Variants in PAICS observed in about 807,000 individuals in gnomAD.
The protein encoded by PAICS is phosphoribosylaminoimidazole carboxylase and phosphoribosylaminoimidazolesuccinocarboxamide synthase, also known as bifunctional phosphoribosylaminoimidazole carboxylase/phosphoribosylaminoimidazole succinocarboxamide synthetase.
In PAICS, 33 loss-of-function variants were observed where a neutral mutation model predicts 53.7. The observed-to-expected ratio is 0.61, with a 90% CI of 0.47 to 0.82. PAICS has a LOEUF of 0.82. Among genes scored for constraint, PAICS ranks in the 40% least tolerant of loss-of-function variants. The pLI is 0.00. For synonymous variants in PAICS, 141 were observed against 167.2 expected (o/e 0.84, Z 1.21); for missense variants, 394 against 494.1 (o/e 0.80, Z 1.92).
At chr4:56,452,628 G>A (rs1718976234) in intron 7 of PAICS, among the ~76,000 whole-genome samples, 1 of 152,180 alleles carries the variant, frequency 6.6e-6, no homozygotes, top group Non-Finnish European at 1.5e-5. Flanking sequence ...CTGGTAAGAA[G>A]CCCCTGGAGC....
the PAICS span, among the ~76,000 whole-genome samples, chr4:56,424,885 A>G: frequency 2.0e-5 from 3 of 152,218 alleles, no homozygotes; most frequent in African/African-American, 7.2e-5. Flanking sequence ...GGACAGTCAC[A>G]GTTAAACCTA....
chr4:56,435,549 G>T (rs189152163), upstream of PAICS: 1,317 of 1,607,148 alleles, frequency 8.2e-4, 2 homozygotes, highest in Non-Finnish European at 1.0e-3. Flanking sequence ...CTGCCAGCTC[G>T]GCCCGTCGAG....
intron 1 of PAICS, among the ~76,000 whole-genome samples, chr4:56,441,282 G>T (rs1295829418): frequency 6.6e-6 from 1 of 152,158 alleles, no homozygotes; most frequent in Non-Finnish European, 1.5e-5. Flanking sequence ...CTTTAAGTGG[G>T]TCTTAATTAA....
At chr4:56,449,034 T>A (rs566883400) in intron 5 of PAICS, among the ~76,000 whole-genome samples, 2 of 152,346 alleles carry the variant, frequency 1.3e-5, no homozygotes, top group African/African-American at 4.8e-5. Flanking sequence ...ATTTCTCATC[T>A]GTTATCTTAA....
chr4:56,459,446 C>G lies in PAICS; in HGVS notation c.1186C>G (p.His396Asp). 6.2e-7 allele frequency: 1 copy of G among 1,608,430 alleles called. No individual in the cohort carries two copies. Among genetic ancestry groups the G allele is most frequent in the Non-Finnish European group, 8.5e-7 (1 of 1,175,760 alleles). Residue 396 changes from histidine to aspartate, a missense_variant, in exon 9 of 9, where the codon CAT becomes GAT. Physicochemically the swap from His to Asp is moderately conservative, Grantham distance 81. Coordinates refer to ENST00000512576, the MANE Select transcript of PAICS (RefSeq NM_001079524.2). ...FAAQIFGLSN[H>D]LVWSKLRASI... Reference sequence around the variant, plus strand: ...TGCTCAGATATTTGGGTTAAGCAACCATTTGGTATGGAGCAAACTGCGAGC... The same window carrying G: ...TGCTCAGATATTTGGGTTAAGCAACGATTTGGTATGGAGCAAACTGCGAGC...
chr4:56,436,482 C>T (rs956143307), intron 1 of PAICS, 154 bp downstream of exon 1: 7 of 729,422 alleles, frequency 9.6e-6, no homozygotes, highest in Non-Finnish European at 1.8e-5. Context: ...CGCTCCCGGG[C>T]CTCCCCGAAC....
intron 1 of PAICS, among the ~76,000 whole-genome samples, chr4:56,438,348 TAAAA>T (rs954374220): frequency 4.5e-5 from 6 of 133,852 alleles, no homozygotes; most frequent in African/African-American, 1.6e-4. Flanking sequence ...AGTAAAATAA[TAAAA>T]AAAACTGGTG....
rs1488140962 is a variant in PAICS at position 56,438,402 on chromosome 4, T to TATATATAA, written c.16+2075_16+2076insTATATAAA. 1.8e-3 allele frequency among the ~76,000 whole-genome samples: 236 copies of TATATATAA among 132,112 alleles called. 4 individuals are homozygous for TATATATAA. The highest frequency in any genetic ancestry group is 0.015 in the Admixed American group (176 of 11,970). The allele number at this position is 132,112 out of a possible 152,430, so 86.7% of individuals were successfully genotyped here. Reference sequence around the variant, plus strand: ...ATATATATATATATATATATATATATAAAAGGTTTTTTTTGTTGTTGTTTT... The same window carrying TATATATAA: ...ATATATATATATATATATATATATATATATATAAAAAAGGTTTTTTTTGTTGTTGTTTT... On this transcript the variant is annotated intron_variant, in intron 1 of 8. Coordinates refer to ENST00000512576, the MANE Select transcript of PAICS (RefSeq NM_001079524.2).
At chr4:56,419,572 T>C in the PAICS span, 2 of 573,946 alleles carry the variant, frequency 3.5e-6, no homozygotes, top group South Asian at 1.5e-4. Flanking sequence ...CCTTGTCTGA[T>C]GTATATAATG....
chr4:56,425,396 A>C, the PAICS span: 1 of 904,130 alleles, frequency 1.1e-6, no homozygotes, highest in Non-Finnish European at 1.3e-6. Flanking sequence ...AGAAGAACTT[A>C]TTACTAAAAC....
At chr4:56,430,629 G>GT in the PAICS span, among the ~76,000 whole-genome samples, 1 of 151,308 alleles carries the variant, frequency 6.6e-6, no homozygotes, top group African/African-American at 2.4e-5. Context: ...ACTGAAAAGT[G>GT]TATTTTTCTA....
chr4:56,421,551 A>G, the PAICS span: 2 of 152,366 alleles, frequency 1.3e-5, no homozygotes, highest in South Asian at 2.1e-4. Flanking sequence ...AAAGACCTCT[A>G]CTAACCACAG....
chr4:56,434,177 T>C (rs770877819), upstream of PAICS, among the ~76,000 whole-genome samples: 1 of 152,246 alleles, frequency 6.6e-6, no homozygotes, highest in Non-Finnish European at 1.5e-5. Flanking sequence ...TTCTTTTTGA[T>C]GCTTCCCACA....
At chr4:56,457,199 GGT>G (rs1719256795) in intron 8 of PAICS, among the ~76,000 whole-genome samples, 1 of 152,158 alleles carries the variant, frequency 6.6e-6, no homozygotes, top group Admixed American at 6.5e-5. Flanking sequence ...GGCAGAGATT[GGT>G]GGATTGCCTG....
chr4:56,448,936 T>G (rs978486189), intron 5 of PAICS, 113 bp downstream of exon 5: 15 of 625,816 alleles, frequency 2.4e-5, no homozygotes, highest in Middle Eastern at 4.2e-4. Flanking sequence ...GAACCTGTTT[T>G]GTGGATTGCT....
intron 1 of PAICS, chr4:56,436,557 G>C (rs1293548396): frequency 1.7e-5 from 12 of 706,450 alleles, no homozygotes; most frequent in Non-Finnish European, 2.9e-5. Context: ...CCAAGGGGTG[G>C]AAAGGTGCCT....
the PAICS span, chr4:56,423,607 C>T: frequency 6.6e-6 from 1 of 151,760 alleles, no homozygotes; most frequent in Non-Finnish European, 1.5e-5. Flanking sequence ...TTAAGTACAA[C>T]CTCAAGATAA....
chr4:56,432,543 A>AAG (rs890031031), upstream of PAICS, among the ~76,000 whole-genome samples: 2 of 149,764 alleles, frequency 1.3e-5, no homozygotes, highest in African/African-American at 4.9e-5. Context: ...AAAAAAAAAA[A>AAG]GGGAGGCCAA....
chr4:56,441,697 A>G lies in PAICS; in HGVS notation c.51A>G (p.Lys17=). The change falls in exon 2 of 9, where the codon AAA becomes AAG. Residue 17 remains lysine, a synonymous_variant. Transcript: ENST00000512576. ...LNIGKKLYEG[K]TKEVYELLDS... Reference sequence around the variant, plus strand: ...TTGGTAAAAAATTATATGAGGGTAAAACAAAAGAAGTCTACGAATTGTTAG... The same window carrying G: ...TTGGTAAAAAATTATATGAGGGTAAGACAAAAGAAGTCTACGAATTGTTAG... 1 of 1,595,170 alleles carries G rather than the reference A, an allele frequency of 6.3e-7. No homozygotes were observed.
Sources: allele counts gnomAD v4.1 joint callset (sites outside exome capture counted in the v4.1 genomes callset), GRCh38; gene constraint gnomAD v4.1.1; transcripts MANE v1.5; gene names NCBI Gene and HGNC (gene_info 2026-07-23, HGNC 2026-07-21).